The following PDCD6IP variants were observed in gnomAD, a reference collection of about 807,000 sequenced individuals.
PDCD6IP encodes programmed cell death 6-interacting protein.
PDCD6IP carries 43 observed loss-of-function variants against 103.7 expected under a neutral mutation model. The ratio of observed to expected loss-of-function variants is 0.41; its 90% CI spans 0.32 to 0.53. The LOEUF is 0.53. PDCD6IP is among the 20% of genes least tolerant of loss of function. The probability of loss-of-function intolerance (pLI) is 0.16; values close to 1 mark genes in which losing one functional copy is unlikely to be tolerated. For synonymous variants in PDCD6IP, 354 were observed against 378.7 expected, an observed-to-expected ratio of 0.93 and a Z score of 0.76; for missense variants, 871 against 1,036.7, an observed-to-expected ratio of 0.84 and a Z score of 2.20.
chr3:33,817,929 T>G lies in PDCD6IP; in HGVS notation c.335-4026T>G, dbSNP rs190626951. 3.9e-3 allele frequency among the ~76,000 whole-genome samples: 591 copies of G among 152,078 alleles called. 6 individuals carry two copies. Among genetic ancestry groups the G allele is most frequent in the Non-Finnish European group, 5.8e-3 (391 of 67,984 alleles). The stretch of plus-strand genomic sequence containing the variant: ...AAAGGAAAAAAAGATAAAATAGCTC[T>G]TATATGTAAAATCTCATAAAAGCTC... On this transcript the variant is annotated intron_variant, in intron 3 of 17. Coordinates refer to ENST00000307296, the MANE Select transcript of PDCD6IP (RefSeq NM_013374.6).
intron 15 of PDCD6IP, among the ~76,000 whole-genome samples, chr3:33,859,296 A>G (rs916671221): frequency 4.6e-4 from 70 of 152,312 alleles, no homozygotes; most frequent in Middle Eastern, 6.8e-3. Context: ...GAATTCCGTA[A>G]TAAAGCTGGG....
intron 9 of PDCD6IP, among the ~76,000 whole-genome samples, chr3:33,838,548 A>G (rs1028614027): frequency 2.7e-5 from 4 of 150,300 alleles, no homozygotes; most frequent in Non-Finnish European, 5.9e-5. Context: ...TGAGGACTAA[A>G]AATTTGTATT....
chr3:33,819,531 T>C (rs1448042147), intron 3 of PDCD6IP, among the ~76,000 whole-genome samples: 4 of 152,252 alleles, frequency 2.6e-5, no homozygotes, highest in Non-Finnish European at 5.9e-5. Context: ...CTGGTGTTTA[T>C]GTCTGCTTTA....
At chr3:33,857,629 A>G (rs1258895285) in intron 15 of PDCD6IP, among the ~76,000 whole-genome samples, 2 of 151,282 alleles carry the variant, frequency 1.3e-5, no homozygotes, top group African/African-American at 4.9e-5. Flanking sequence ...GACCAAGGGG[A>G]GGGGGGCATT....
chr3:33,831,830 A>AAT (rs1056325631), intron 7 of PDCD6IP, among the ~76,000 whole-genome samples: 8 of 151,814 alleles, frequency 5.3e-5, no homozygotes, highest in Non-Finnish European at 1.2e-4. Flanking sequence ...GTATGCTATT[A>AAT]ATATATACAG....
chr3:33,838,369 G>A (rs1206092698), intron 9 of PDCD6IP, 42 bp downstream of exon 9: 3 of 1,542,532 alleles, frequency 1.9e-6, no homozygotes, highest in Non-Finnish European at 2.7e-6. Flanking sequence ...TTTCCGTTTG[G>A]TTGTTCTTTA....
At chr3:33,823,198 G>A (rs1444386780) in intron 4 of PDCD6IP, among the ~76,000 whole-genome samples, 1 of 152,064 alleles carries the variant, frequency 6.6e-6, no homozygotes, top group Non-Finnish European at 1.5e-5. Flanking sequence ...CAGTCTATTT[G>A]GGTTTCAATA....
chr3:33,835,170 T>C (rs1225352244), intron 7 of PDCD6IP: 1 of 454,888 alleles, frequency 2.2e-6, no homozygotes, highest in East Asian at 6.9e-5. Flanking sequence ...ATGTTCATTT[T>C]TTTATAAGGC....
intron 4 of PDCD6IP, among the ~76,000 whole-genome samples, chr3:33,823,031 A>G (rs550576539): frequency 3.9e-5 from 6 of 152,104 alleles, no homozygotes; most frequent in Non-Finnish European, 7.4e-5. Context: ...GTTAAATAAT[A>G]TATATATAAT....
chr3:33,842,154 C>T, intron 10 of PDCD6IP, 80 bp downstream of exon 10: 3 of 914,212 alleles, frequency 3.3e-6, no homozygotes, highest in Non-Finnish European at 5.2e-6. Flanking sequence ...CTGGAGACTT[C>T]CTCATGCTAG....
At chr3:33,813,844 C>T (rs1575904570) in intron 3 of PDCD6IP, among the ~76,000 whole-genome samples, 6 of 151,996 alleles carry the variant, frequency 3.9e-5, no homozygotes, top group Admixed American at 1.3e-4. Context: ...TGAATAAAAC[C>T]GATGTACTTA....
intron 6 of PDCD6IP, chr3:33,826,827 G>A (rs1697137831): frequency 1.6e-6 from 2 of 1,248,792 alleles, no homozygotes; most frequent in Non-Finnish European, 2.0e-6. Flanking sequence ...AACTCTTTCT[G>A]GAAAATGTTG....
At chr3:33,832,611 G>C (rs990319045) in intron 7 of PDCD6IP, among the ~76,000 whole-genome samples, 15 of 152,016 alleles carry the variant, frequency 9.9e-5, no homozygotes, top group Admixed American at 6.6e-5. Flanking sequence ...TTTTATAATA[G>C]CCTTGTTTAC....
intron 3 of PDCD6IP, among the ~76,000 whole-genome samples, chr3:33,817,860 T>C (rs1696889552): frequency 6.6e-6 from 1 of 151,936 alleles, no homozygotes; most frequent in Admixed American, 6.6e-5. Context: ...AAATTAAATA[T>C]TGTTTTGAAA....
intron 16 of PDCD6IP, 54 bp downstream of exon 16, chr3:33,864,183 T>A: frequency 9.5e-7 from 1 of 1,050,832 alleles, no homozygotes; most frequent in Non-Finnish European, 1.5e-6. Context: ...CGATGATTAC[T>A]TGTTCTAACG....
intron 15 of PDCD6IP, among the ~76,000 whole-genome samples, chr3:33,857,763 G>C (rs1439178760): frequency 6.6e-6 from 1 of 152,066 alleles, no homozygotes; most frequent in Non-Finnish European, 1.5e-5. Flanking sequence ...AGAATAGATA[G>C]AAGATAGATG....
chr3:33,805,615 T>G (rs1460450281), intron 1 of PDCD6IP, among the ~76,000 whole-genome samples: 3 of 151,830 alleles, frequency 2.0e-5, no homozygotes, highest in African/African-American at 7.3e-5. Flanking sequence ...AGAGGAGGTC[T>G]TGCTGTGTTG....
chr3:33,835,963 A>G (rs1025270808), intron 7 of PDCD6IP, 81 bp from the exon 8 acceptor site: 17 of 814,766 alleles, frequency 2.1e-5, no homozygotes, highest in African/African-American at 1.9e-4. Context: ...TTTGAAACCA[A>G]TGCTTAAATA....
Position 33,800,632 on chromosome 3 carries a change from C to T in PDCD6IP, c.209+1695C>T, listed in dbSNP as rs543109782. Among the ~76,000 whole-genome samples the T allele has an allele frequency of 2.6e-5, 4 of 152,180 alleles. No individual in the cohort carries two copies. In the East Asian group the frequency reaches 7.7e-4, roughly 29 times the overall value. ...GCATAAGCATTTTTTTTAAAGTTAACCTAGAAATACTTAGCCATTCTTTAG... is the reference window on the plus strand; with the variant it reads ...GCATAAGCATTTTTTTTAAAGTTAATCTAGAAATACTTAGCCATTCTTTAG... On this transcript the variant is annotated intron_variant, in intron 1 of 17. Coordinates refer to ENST00000307296, the MANE Select transcript of PDCD6IP (RefSeq NM_013374.6).
Sources: gnomAD v4.1 joint callset for allele counts (sites outside exome capture counted in the v4.1 genomes callset) on GRCh38, gnomAD v4.1.1 for gene constraint, MANE v1.5 for transcripts, NCBI Gene and HGNC (gene_info 2026-07-23, HGNC 2026-07-21) for gene names.